Variants in SNTG2 observed in about 807,000 individuals in gnomAD.
SNTG2 encodes gamma-2-syntrophin.
Under a neutral mutation model 70.9 loss-of-function variants are expected in SNTG2, and 74 were observed. The ratio of observed to expected loss-of-function variants is 1.04; its 90% CI spans 0.86 to 1.27. The LOEUF is 1.27. Ranked by LOEUF, SNTG2 falls within the 50% of genes most tolerant of loss-of-function variation. The probability of loss-of-function intolerance (pLI) is 0.00; values close to 1 mark genes in which losing one functional copy is unlikely to be tolerated. For missense variants in SNTG2, 717 were observed against 690.7 expected, an observed-to-expected ratio of 1.04 and a Z score of -0.43; for synonymous variants, 278 against 273.8, an observed-to-expected ratio of 1.02 and a Z score of -0.15.
At chr2:1,230,211 A>C (rs1676118696) in intron 9 of SNTG2, among the ~76,000 whole-genome samples, 1 of 152,210 alleles carries the variant, frequency 6.6e-6, no homozygotes, top group South Asian at 2.1e-4. Context: ...TTTGAAATGG[A>C]AAAAGGAAAC....
chr2:1,218,556 T>C (rs899534327), intron 9 of SNTG2, among the ~76,000 whole-genome samples: 1 of 152,212 alleles, frequency 6.6e-6, no homozygotes, highest in Middle Eastern at 3.2e-3. Flanking sequence ...CTCCTGCCCA[T>C]AGCATGTGTG....
At chr2:1,143,568 C>T (rs958613970) in intron 6 of SNTG2, among the ~76,000 whole-genome samples, 10 of 151,546 alleles carry the variant, frequency 6.6e-5, no homozygotes, top group East Asian at 2.0e-4. Context: ...GAGAGTCTGC[C>T]GTCGAAAATA....
intron 2 of SNTG2, among the ~76,000 whole-genome samples, chr2:1,085,390 C>T (rs576212224): frequency 7.9e-5 from 12 of 152,272 alleles, no homozygotes; most frequent in African/African-American, 2.9e-4. Flanking sequence ...ATGAAAGACT[C>T]CTTAAGAAAA....
intron 8 of SNTG2, among the ~76,000 whole-genome samples, chr2:1,180,330 C>T (rs1671789493): frequency 7.4e-6 from 1 of 135,270 alleles, no homozygotes; most frequent in African/African-American, 2.7e-5. Flanking sequence ...TGACAAAAGG[C>T]TAATATCCAG....
At chr2:1,067,899 C>T (rs1663263495) in intron 1 of SNTG2, among the ~76,000 whole-genome samples, 1 of 152,154 alleles carries the variant, frequency 6.6e-6, no homozygotes, top group Admixed American at 6.5e-5. Context: ...GGAGGAAGTG[C>T]AGGCTTATGG....
intron 6 of SNTG2, among the ~76,000 whole-genome samples, chr2:1,147,369 C>A (rs114332005): frequency 0.021 from 3,257 of 152,216 alleles, 116 homozygotes; most frequent in African/African-American, 0.074. Context: ...TGGGTGAGCA[C>A]CATCTCATCA....
rs749619310 is a variant in SNTG2, at chr2:1,083,633, G to T, written c.188G>T (p.Gly63Val). 1.9e-6 allele frequency: 3 copies of T among 1,613,718 alleles called. No individual in the cohort carries two copies. The South Asian group carries it at 3.3e-5, about 18-fold the overall frequency. Residue 63 changes from glycine to valine, a missense_variant, in exon 2 of 17, where the codon GGC becomes GTC. Coordinates refer to ENST00000308624, the MANE Select transcript of SNTG2 (RefSeq NM_018968.4). ...TIQKQDVVCV[G>V]GSHQGRNRRT... ...CAGAAACAAGATGTTGTCTGTGTGG[G>T]CGGAAGCCACCAGGGCAGGAATGTA... is the stretch of plus-strand genomic sequence containing the variant.
At chr2:1,252,856 T>C (rs1309748213) in intron 12 of SNTG2, among the ~76,000 whole-genome samples, 1 of 152,206 alleles carries the variant, frequency 6.6e-6, no homozygotes, top group Non-Finnish European at 1.5e-5. Flanking sequence ...CAACTTCTCA[T>C]TGCAAAATCA....
intron 1 of SNTG2, among the ~76,000 whole-genome samples, chr2:956,142 C>T (rs1336105161): frequency 3.3e-5 from 2 of 61,230 alleles, no homozygotes; most frequent in African/African-American, 6.5e-5. Context: ...GCACCCACCG[C>T]GCCCCGCCCC....
intron 1 of SNTG2, among the ~76,000 whole-genome samples, chr2:999,246 A>G (rs1473484162): frequency 6.6e-6 from 1 of 152,136 alleles, no homozygotes; most frequent in Admixed American, 6.5e-5. Context: ...CAAAGCAACT[A>G]GGGAACAATT....
At chr2:1,046,445 A>G (rs1661741236) in intron 1 of SNTG2, among the ~76,000 whole-genome samples, 1 of 152,098 alleles carries the variant, frequency 6.6e-6, no homozygotes, top group African/African-American at 2.4e-5. Context: ...TAGTTGCTTT[A>G]TAGTTCAATG....
chr2:976,952 C>T (rs1430484901), intron 1 of SNTG2, among the ~76,000 whole-genome samples: 2 of 152,238 alleles, frequency 1.3e-5, no homozygotes, highest in African/African-American at 4.8e-5. Flanking sequence ...GGCTGCTGGT[C>T]TGCTGGTGGG....
intron 16 of SNTG2, among the ~76,000 whole-genome samples, chr2:1,320,782 A>C (rs1443158026): frequency 6.6e-6 from 1 of 152,160 alleles, no homozygotes; most frequent in African/African-American, 2.4e-5. Context: ...CATGCAAATT[A>C]TGTCAGATTA....
At position 1,083,604 on chromosome 2, in the gene SNTG2, A is replaced by G. The variant is rs758137156; in HGVS notation, c.159A>G (p.Thr53=). The part of the protein sequence containing the change: ...IRLKLTKEVL[T]IQKQDVVCVG... ...TGAAGCTGACGAAAGAGGTGCTGAC[A>G]ATTCAGAAACAAGATGTTGTCTGTG... is the stretch of plus-strand genomic sequence containing the variant. Residue 53 remains threonine, a synonymous_variant, in exon 2 of 17, where the codon ACA becomes ACG. Coordinates refer to ENST00000308624, the MANE Select transcript of SNTG2 (RefSeq NM_018968.4). The G allele has an allele frequency of 3.7e-6, 6 of 1,613,654 alleles. No homozygotes were observed. Among genetic ancestry groups the G allele is most frequent in the Non-Finnish European group, 5.1e-6 (6 of 1,179,724 alleles).
intron 2 of SNTG2, among the ~76,000 whole-genome samples, chr2:1,089,838 G>A (rs765224349): frequency 3.9e-4 from 60 of 152,092 alleles, no homozygotes; most frequent in Admixed American, 3.9e-4. Context: ...AAATTGAAGT[G>A]AGCAAACAGA....
In SNTG2 at chr2:1,050,358, T is replaced by G. The variant is rs560390402; in HGVS notation, c.73-33160T>G. Among the ~76,000 whole-genome samples the G allele has an allele frequency of 1.1e-3, 161 of 152,312 alleles. 4 individuals are homozygous for G. Among genetic ancestry groups the G allele is most frequent in the Non-Finnish European group, 4.3e-4 (29 of 68,024 alleles). On this transcript the variant is annotated intron_variant, in intron 1 of 16. Coordinates refer to ENST00000308624, the MANE Select transcript of SNTG2 (RefSeq NM_018968.4). ...TTTAGATCAAAATTCCAGCTAGAGT[T>G]TTTTCTTCTGTATGCTCTGAATTAG...
intron 16 of SNTG2, among the ~76,000 whole-genome samples, chr2:1,361,814 A>G (rs1661172112): frequency 6.6e-6 from 1 of 151,024 alleles, no homozygotes; most frequent in Non-Finnish European, 1.5e-5. Context: ...TGAGCATTTC[A>G]GTAGAACTTC....
chr2:1,321,738 C>T lies in SNTG2; in HGVS notation c.1488+5363C>T, dbSNP rs115232515. On this transcript the variant is annotated intron_variant, in intron 16 of 16. Transcript: ENST00000308624. ...TAAATGTTCTCATGCAGACGGATATCAAAAGGAAGAGCATAAACAATTAAT... is the reference window on the plus strand; with the variant it reads ...TAAATGTTCTCATGCAGACGGATATTAAAAGGAAGAGCATAAACAATTAAT... 8.9e-3 allele frequency among the ~76,000 whole-genome samples: 1,355 copies of T among 152,288 alleles called. 20 individuals are homozygous for T. Among genetic ancestry groups the T allele is most frequent in the African/African-American group, 0.03 (1,260 of 41,550 alleles).
At chr2:1,169,968 C>A (rs1044161237) in intron 7 of SNTG2, among the ~76,000 whole-genome samples, 1 of 134,972 alleles carries the variant, frequency 7.4e-6, no homozygotes, top group African/African-American at 2.6e-5. Flanking sequence ...TCTATAAATT[C>A]AGGCGAAACG....
Sources: allele counts gnomAD v4.1 joint callset (sites outside exome capture counted in the v4.1 genomes callset), GRCh38; gene constraint gnomAD v4.1.1; transcripts MANE v1.5; gene names NCBI Gene and HGNC (gene_info 2026-07-23, HGNC 2026-07-21).